Variants in SLC9B2 observed in about 807,000 individuals in gnomAD.
SLC9B2 encodes sodium/hydrogen exchanger 9B2.
Under a neutral mutation model 52.2 loss-of-function variants are expected in SLC9B2, and 39 were observed. That is an observed-to-expected ratio of 0.75 (90% CI 0.58 to 0.98). The LOEUF is 0.98. Ranked by LOEUF, SLC9B2 falls within the 50% of genes least tolerant of loss-of-function variation. The pLI is 0.00. For synonymous variants in SLC9B2, 214 were observed against 227.0 expected, an observed-to-expected ratio of 0.94 and a Z score of 0.51; for missense variants, 626 against 637.5, an observed-to-expected ratio of 0.98 and a Z score of 0.19.
chr4:103,073,212 A>C (rs1746823759), intron 1 of SLC9B2, among the ~76,000 whole-genome samples: 1 of 152,192 alleles, frequency 6.6e-6, no homozygotes, highest in African/African-American at 2.4e-5. Flanking sequence ...ATGGACTAAG[A>C]CATTGCTAGA....
intron 3 of SLC9B2, among the ~76,000 whole-genome samples, chr4:103,059,503 A>T (rs138596977): frequency 3.2e-4 from 48 of 152,342 alleles, no homozygotes; most frequent in African/African-American, 1.1e-3. Context: ...AATGTTGTAG[A>T]ATGTTTGAGT....
intron 9 of SLC9B2, among the ~76,000 whole-genome samples, chr4:103,033,405 G>A (rs955449544): frequency 1.2e-4 from 18 of 152,020 alleles, no homozygotes; most frequent in African/African-American, 3.6e-4. Context: ...CTATTTAACC[G>A]GAGTACTGGA....
At chr4:103,049,498 T>C (rs1226714697) in intron 5 of SLC9B2, among the ~76,000 whole-genome samples, 1 of 152,156 alleles carries the variant, frequency 6.6e-6, no homozygotes. Flanking sequence ...AAAAAAAGCA[T>C]TAAAAAGGCA....
In SLC9B2 at chr4:103,024,857, A is replaced by C. The variant is rs764340173; in HGVS notation, c.*1513T>G. 6.6e-6 allele frequency among the ~76,000 whole-genome samples: 1 copy of C among 152,226 alleles called. No individual in the cohort carries two copies. Among genetic ancestry groups the C allele is most frequent in the Admixed American group, 6.5e-5 (1 of 15,282 alleles). ...AGATGGCCTGTTACAAAGTAGGATA[A>C]AATATGACCTATGCAGGTAAGTCTT... On this transcript the variant is annotated 3_prime_UTR_variant, in exon 12 of 12. Coordinates refer to ENST00000394785, the MANE Select transcript of SLC9B2 (RefSeq NM_178833.7).
At chr4:103,062,846 G>C (rs1002453927) in intron 3 of SLC9B2, among the ~76,000 whole-genome samples, 1 of 152,082 alleles carries the variant, frequency 6.6e-6, no homozygotes, top group Admixed American at 6.6e-5. Flanking sequence ...TCCTGACCTC[G>C]TCATCCACCT....
Position 103,076,693 on chromosome 4 carries a change from C to G in SLC9B2, c.-552G>C, listed in dbSNP as rs958314549. 6.6e-6 allele frequency: 1 copy of G among 152,276 alleles called. No homozygotes were observed. The highest frequency in any genetic ancestry group is 6.5e-5 in the Admixed American group (1 of 15,292). The allele number at this position is 152,276 out of a possible 1,614,324, so 9.4% of individuals were successfully genotyped here. A position where few individuals can be genotyped will look rare whatever the true frequency, so the allele number is the denominator to read the frequency against. On this transcript the variant is annotated 5_prime_UTR_variant, in exon 1 of 12. Coordinates refer to ENST00000394785, the MANE Select transcript of SLC9B2 (RefSeq NM_178833.7). ...GGCTTCTGGGGCCAGGACCAGCGAG[C>G]TCCCGGGAAAGCTTCCCGGAAAGCT...
intron 1 of SLC9B2, among the ~76,000 whole-genome samples, chr4:103,068,318 G>A (rs1746328340): frequency 6.6e-6 from 1 of 152,152 alleles, no homozygotes; most frequent in African/African-American, 2.4e-5. Flanking sequence ...CAGGCTACAA[G>A]GCAAATACAG....
intron 9 of SLC9B2, among the ~76,000 whole-genome samples, chr4:103,038,805 A>G (rs1465556133): frequency 6.6e-6 from 1 of 152,218 alleles, no homozygotes; most frequent in African/African-American, 2.4e-5. Flanking sequence ...AGTCATTAGA[A>G]GCAGCACTAG....
chr4:103,036,220 G>A (rs1578444995), intron 9 of SLC9B2, among the ~76,000 whole-genome samples: 1 of 152,246 alleles, frequency 6.6e-6, no homozygotes, highest in Non-Finnish European at 1.5e-5. Flanking sequence ...CATGTCCTTT[G>A]CAGTGACATC....
At chr4:103,064,036 A>G (rs1458745754) in intron 3 of SLC9B2, among the ~76,000 whole-genome samples, 2 of 152,240 alleles carry the variant, frequency 1.3e-5, no homozygotes, top group Admixed American at 1.3e-4. Flanking sequence ...AACTCTGTGC[A>G]CTATTGGTGG....
In SLC9B2 at chr4:103,047,107, T is replaced by C. The variant is rs769627193; in HGVS notation, c.833A>G (p.Asp278Gly). Residue 278 changes from aspartate (D) to glycine (G), a missense_variant, in exon 7 of 12, where the codon GAT (aspartate) becomes GGT (glycine). Transcript: ENST00000394785. ...GAAGCCAGTGATGGCCAGAATGTCA[T>C]CGAAGCTGCCAGCTGCCATGAGCAA... The part of the protein sequence containing the change: ...PTLLMAAGSF[D>G]DILAITGFNT... 1.7e-5 allele frequency: 28 copies of C among 1,613,920 alleles called. No homozygotes were observed. Among genetic ancestry groups the C allele is most frequent in the East Asian group, 2.2e-5 (1 of 44,886 alleles).
chr4:103,048,885 A>G lies in SLC9B2; in HGVS notation c.713+8T>C. Reference sequence around the variant, plus strand: ...CATATTTTCATATGACAAAGAAACAATCATTACCCCAGTATAAATCCCCAT... The same window carrying G: ...CATATTTTCATATGACAAAGAAACAGTCATTACCCCAGTATAAATCCCCAT... On this transcript the variant is annotated splice_region_variant and intron_variant, in intron 6 of 11. Transcript: ENST00000394785. 1 of 1,612,720 alleles carries G rather than the reference A, an allele frequency of 6.2e-7. No homozygotes were observed. Among genetic ancestry groups the G allele is most frequent in the Non-Finnish European group, 8.5e-7 (1 of 1,179,390 alleles).
At chr4:103,030,660 A>G (rs1742617655) in intron 10 of SLC9B2, among the ~76,000 whole-genome samples, 1 of 151,942 alleles carries the variant, frequency 6.6e-6, no homozygotes, top group Non-Finnish European at 1.5e-5. Flanking sequence ...ATATATATAT[A>G]ATTTTAACAT....
chr4:103,020,926 G>A (rs1215047494), downstream of SLC9B2, among the ~76,000 whole-genome samples: 1 of 152,078 alleles, frequency 6.6e-6, no homozygotes, highest in Non-Finnish European at 1.5e-5. Flanking sequence ...CCACAGCCCT[G>A]CCCTTTTTAT....
chr4:103,063,435 A>G (rs1745839590), intron 3 of SLC9B2, among the ~76,000 whole-genome samples: 1 of 152,198 alleles, frequency 6.6e-6, no homozygotes, highest in African/African-American at 2.4e-5. Flanking sequence ...AGAGCCCACA[A>G]AGTATAACTA....
chr4:103,044,846 A>G (rs1001982774), intron 8 of SLC9B2, 44 bp downstream of exon 8: 1 of 1,440,812 alleles, frequency 6.9e-7, no homozygotes, highest in Non-Finnish European at 9.8e-7. Context: ...TGTTTTCCCA[A>G]TGATATTTCA....
intron 4 of SLC9B2, among the ~76,000 whole-genome samples, chr4:103,052,714 C>CG (rs1744793892): frequency 6.7e-6 from 1 of 150,112 alleles, no homozygotes; most frequent in Non-Finnish European, 1.5e-5. Context: ...TATGAGGGGA[C>CG]ATTTTTTTTT....
chr4:103,041,065 T>G (rs1387362744), intron 9 of SLC9B2, among the ~76,000 whole-genome samples: 1 of 152,188 alleles, frequency 6.6e-6, no homozygotes, highest in Non-Finnish European at 1.5e-5. Flanking sequence ...TAGAAAGCAG[T>G]CTGGTAATAT....
downstream of SLC9B2, among the ~76,000 whole-genome samples, chr4:103,021,782 A>T (rs559313683): frequency 6.6e-6 from 1 of 152,292 alleles, no homozygotes; most frequent in South Asian, 2.1e-4. Context: ...AATTCTCTTC[A>T]TCAATCTCAA....
Sources: allele counts gnomAD v4.1 joint callset (sites outside exome capture counted in the v4.1 genomes callset), GRCh38; gene constraint gnomAD v4.1.1; transcripts MANE v1.5; gene names NCBI Gene and HGNC (gene_info 2026-07-23, HGNC 2026-07-21).